XRCC4: variants seen among roughly 807,000 people sequenced by gnomAD.
XRCC4 encodes the protein X-ray repair cross complementing 4.
XRCC4 carries 28 observed loss-of-function variants against 39.1 expected under a neutral mutation model. That is an observed-to-expected ratio of 0.72 (90% CI 0.53 to 0.98). The LOEUF (loss-of-function observed/expected upper bound fraction) is 0.98. Ranked by LOEUF, XRCC4 falls within the 50% of genes least tolerant of loss-of-function variation. XRCC4 has a pLI of 0.00. For missense variants in XRCC4, 350 were observed against 376.4 expected (o/e 0.93, Z 0.58); for synonymous variants, 123 against 126.4 (o/e 0.97, Z 0.18).
intron 1 of XRCC4, among the ~76,000 whole-genome samples, chr5:83,103,464 CT>C (rs28383133): frequency 0.49 from 73,864 of 151,822 alleles, 18,745 homozygotes; most frequent in African/African-American, 0.62. Context: ...AATTCTCATA[CT>C]ATCAATTGTA....
intron 6 of XRCC4, among the ~76,000 whole-genome samples, chr5:83,237,240 T>C (rs1752725701): frequency 6.6e-6 from 1 of 152,102 alleles, no homozygotes; most frequent in Non-Finnish European, 1.5e-5. Flanking sequence ...AATCAGTATA[T>C]CAAAGTGATA....
the XRCC4 span, among the ~76,000 whole-genome samples, chr5:83,373,828 T>C: frequency 6.6e-6 from 1 of 152,212 alleles, no homozygotes; most frequent in Non-Finnish European, 1.5e-5. Flanking sequence ...TATCTATGTA[T>C]ATAATAGCTA....
intron 3 of XRCC4, among the ~76,000 whole-genome samples, chr5:83,124,590 T>A (rs553188245): frequency 6.6e-6 from 1 of 152,318 alleles, no homozygotes; most frequent in African/African-American, 2.4e-5. Flanking sequence ...CTTTGGACAT[T>A]CATGTACAGG....
chr5:83,352,916 C>T (rs1032142928), intron 7 of XRCC4, among the ~76,000 whole-genome samples: 1 of 152,058 alleles, frequency 6.6e-6, no homozygotes, highest in African/African-American at 2.4e-5. Flanking sequence ...CTTGAATTTT[C>T]CTTAGGTCAG....
intron 6 of XRCC4, among the ~76,000 whole-genome samples, chr5:83,219,188 G>T (rs1751987478): frequency 6.6e-6 from 1 of 151,856 alleles, no homozygotes. Context: ...ATTGGATTAG[G>T]GCTCACCCTA....
At chr5:83,100,942 A>G (rs1745903130) in intron 1 of XRCC4, among the ~76,000 whole-genome samples, 1 of 152,126 alleles carries the variant, frequency 6.6e-6, no homozygotes, top group Non-Finnish European at 1.5e-5. Context: ...AATTAAGCAC[A>G]TCTAGGCAAA....
intron 6 of XRCC4, among the ~76,000 whole-genome samples, chr5:83,229,817 A>G (rs1580398465): frequency 6.6e-6 from 1 of 152,002 alleles, no homozygotes; most frequent in South Asian, 2.1e-4. Context: ...TACTGCATGC[A>G]CCATTTTGCA....
intron 6 of XRCC4, among the ~76,000 whole-genome samples, chr5:83,208,603 G>C (rs1751510664): frequency 6.6e-6 from 1 of 151,810 alleles, no homozygotes; most frequent in African/African-American, 2.4e-5. Context: ...GATTACTGAG[G>C]AAATAACTAA....
chr5:83,337,213 A>G (rs945074804), intron 7 of XRCC4, among the ~76,000 whole-genome samples: 2 of 152,152 alleles, frequency 1.3e-5, no homozygotes, highest in African/African-American at 4.8e-5. Context: ...TATTATAAGG[A>G]ACTATTCTTA....
intron 6 of XRCC4, among the ~76,000 whole-genome samples, chr5:83,234,533 C>T (rs1441703808): frequency 6.6e-6 from 1 of 152,076 alleles, no homozygotes; most frequent in Non-Finnish European, 1.5e-5. Flanking sequence ...ACCTCCCTAC[C>T]ACAGATGTAC....
chr5:83,252,190 G>C (rs140278742), intron 6 of XRCC4, among the ~76,000 whole-genome samples: 56 of 152,286 alleles, frequency 3.7e-4, no homozygotes, highest in East Asian at 2.5e-3. Flanking sequence ...TTTCTCTTGG[G>C]AAAGAAGGAA....
At position 83,178,417 on chromosome 5, in the gene XRCC4, A is replaced by T. The variant is rs1205936956; in HGVS notation, c.316-17353A>T. Among the ~76,000 whole-genome samples, 7 of 152,260 alleles carry T rather than the reference A, an allele frequency of 4.6e-5. No individual in the cohort carries two copies. The East Asian group carries it at 9.7e-4, about 21-fold the overall frequency. ...ATGGGGAGAAAGAAGAGGAGTTGAG[A>T]ATAAGAATGTAGTCAGCCATCACAG... On this transcript the variant is annotated intron_variant, in intron 3 of 7. Coordinates refer to ENST00000396027, the MANE Select transcript of XRCC4 (RefSeq NM_003401.5).
At chr5:83,267,214 C>T (rs545234214) in intron 7 of XRCC4, among the ~76,000 whole-genome samples, 2 of 152,232 alleles carry the variant, frequency 1.3e-5, no homozygotes, top group South Asian at 4.1e-4. Context: ...AATGTTGTTT[C>T]TAAAGGTGTA....
In XRCC4 at chr5:83,258,569, A is replaced by T. The variant is rs755412315; in HGVS notation, c.785A>T (p.Asp262Val). 3 of 1,608,922 alleles carry T rather than the reference A, an allele frequency of 1.9e-6. No individual in the cohort carries two copies. The highest frequency in any genetic ancestry group is 2.5e-6 in the Non-Finnish European group (3 of 1,178,592). Residue 262 changes from aspartate to valine, a missense_variant, in exon 7 of 8, where the codon GAT becomes GTT. Asp to Val is a radical substitution (Grantham distance 152). Coordinates refer to ENST00000396027, the MANE Select transcript of XRCC4 (RefSeq NM_003401.5). ...SKDDSIISSL[D>V]VTDIAPSRKR... ...GATGATTCCATTATTTCAAGTCTTG[A>T]TGTCACTGATATTGCACCAAGTAGA...
At chr5:83,236,228 T>A (rs1230829674) in intron 6 of XRCC4, among the ~76,000 whole-genome samples, 1 of 152,042 alleles carries the variant, frequency 6.6e-6, no homozygotes, top group Non-Finnish European at 1.5e-5. Context: ...CTAAAATGTA[T>A]GTAGAACCAC....
intron 3 of XRCC4, among the ~76,000 whole-genome samples, chr5:83,177,440 T>TTG (rs200689131): frequency 0.47 from 61,821 of 132,124 alleles, 13,224 homozygotes; most frequent in South Asian, 0.55. Context: ...TTTAATACCT[T>TTG]TTTTTTTTTT....
chr5:83,169,541 C>T (rs761702198), intron 3 of XRCC4, among the ~76,000 whole-genome samples: 15 of 152,122 alleles, frequency 9.9e-5, no homozygotes, highest in African/African-American at 3.1e-4. Flanking sequence ...AAAATGGACA[C>T]GTTATGTCAT....
At chr5:83,105,353 A>T (rs929662780) in intron 2 of XRCC4, among the ~76,000 whole-genome samples, 1 of 152,232 alleles carries the variant, frequency 6.6e-6, no homozygotes, top group Non-Finnish European at 1.5e-5. Context: ...TTCTAAATAC[A>T]TCTTTTCTCA....
chr5:83,172,551 T>A (rs1749777015), intron 3 of XRCC4, among the ~76,000 whole-genome samples: 1 of 152,194 alleles, frequency 6.6e-6, no homozygotes. Context: ...GTATTTACTT[T>A]GTTCTGTTAG....
Sources: gnomAD v4.1 joint callset for allele counts (sites outside exome capture counted in the v4.1 genomes callset) on GRCh38, gnomAD v4.1.1 for gene constraint, MANE v1.5 for transcripts, NCBI Gene and HGNC (gene_info 2026-07-23, HGNC 2026-07-21) for gene names.